The following SHISA4 variants were observed in gnomAD, a reference collection of about 807,000 sequenced individuals.
The protein encoded by SHISA4 is shisa family member 4.
In SHISA4, 16 loss-of-function variants were observed where a neutral mutation model predicts 24.2. That is an observed-to-expected ratio of 0.66 (90% CI 0.45 to 1.00). The LOEUF is 1.00. Ranked by LOEUF, SHISA4 falls within the 50% of genes least tolerant of loss-of-function variation. The pLI is 0.00. For synonymous variants in SHISA4, 106 were observed against 105.4 expected, an observed-to-expected ratio of 1.01 and a Z score of -0.04; for missense variants, 238 against 258.9, an observed-to-expected ratio of 0.92 and a Z score of 0.55.
rs968672178 is a variant in SHISA4 at position 201,889,120 on chromosome 1, G to A, written c.73+53G>A. 10 of 1,381,372 alleles carry A rather than the reference G, an allele frequency of 7.2e-6. No individual in the cohort carries two copies. In the East Asian group the frequency reaches 7.9e-5, roughly 11 times the overall value. The allele number at this position is 1,381,372 out of a possible 1,614,324, so 85.6% of individuals were successfully genotyped here. ...GAGTGGGATGGGGGCGGAGGAAGGG[G>A]AGGGACCGATCCGAGGGGCTTGGGC... On this transcript the variant is annotated intron_variant, in intron 1 of 4. Coordinates refer to ENST00000362011, the MANE Select transcript of SHISA4 (RefSeq NM_198149.3).
intron 1 of SHISA4, 61 bp downstream of exon 1, chr1:201,889,128 G>C (rs960662298): frequency 3.6e-5 from 49 of 1,354,364 alleles, no homozygotes; most frequent in Admixed American, 1.2e-4. Context: ...GGGAGGGACC[G>C]ATCCGAGGGG....
chr1:201,889,047 T>G lies in SHISA4; in HGVS notation c.53T>G (p.Leu18Trp). Residue 18 changes from leucine (L) to tryptophan (W), a missense_variant, in exon 1 of 5, where the codon TTG becomes TGG. By Grantham distance (61) the Leu-to-Trp change is moderately conservative. Coordinates refer to ENST00000362011, the MANE Select transcript of SHISA4 (RefSeq NM_198149.3). ...GCGCCGCTCACCGCAATCGCTCTGT[T>G]GGTGCTGGGGGCTCCCCTGGGTAAG... ...RAAPLTAIAL[L>W]VLGAPLVLAG... 1 of 1,379,768 alleles carries G rather than the reference T, an allele frequency of 7.2e-7. No homozygotes were observed. Among genetic ancestry groups the G allele is most frequent in the Non-Finnish European group, 9.4e-7 (1 of 1,065,014 alleles). The allele number at this position is 1,379,768 out of a possible 1,614,324, so 85.5% of individuals were successfully genotyped here.
At position 201,888,988 on chromosome 1, in the gene SHISA4, C is replaced by A; in HGVS notation, c.-7C>A. The A allele has an allele frequency of 7.2e-7, 1 of 1,393,870 alleles. No individual in the cohort carries two copies. The highest frequency in any genetic ancestry group is 9.3e-7 in the Non-Finnish European group (1 of 1,072,846). 86.3% of individuals were successfully genotyped at this position (1,393,870 alleles called of 1,614,324 possible). On this transcript the variant is annotated 5_prime_UTR_variant, in exon 1 of 5. Transcript: ENST00000362011. ...AGGCCCGACCCCGGCCGCGCCCAGC[C>A]CCCACCATGCCACCCGCGGGGCTCC...
chr1:201,891,449 A>T lies in SHISA4; in HGVS notation c.428A>T (p.Tyr143Phe). 1 of 1,613,224 alleles carries T rather than the reference A, an allele frequency of 6.2e-7. No individual in the cohort carries two copies. The highest frequency in any genetic ancestry group is 8.5e-7 in the Non-Finnish European group (1 of 1,179,768). ...ATCCCAGTGCAGCCAGTATACCCATACCCCCAGGACCCCAAAGCTGGCCCT... is the reference window on the plus strand; with the variant it reads ...ATCCCAGTGCAGCCAGTATACCCATTCCCCCAGGACCCCAAAGCTGGCCCT... ...TGIPVQPVYP[Y>F]PQDPKAGPAP... The change falls in exon 4 of 5, where the codon TAC becomes TTC. Residue 143 changes from tyrosine to phenylalanine, a missense_variant. By Grantham distance (22) the Tyr-to-Phe change is conservative. Transcript: ENST00000362011.
In SHISA4 at chr1:201,888,987, C is replaced by A; in HGVS notation, c.-8C>A. ...GAGGCCCGACCCCGGCCGCGCCCAGCCCCCACCATGCCACCCGCGGGGCTC... is the reference window on the plus strand; with the variant it reads ...GAGGCCCGACCCCGGCCGCGCCCAGACCCCACCATGCCACCCGCGGGGCTC... On this transcript the variant is annotated 5_prime_UTR_variant, in exon 1 of 5. Transcript: ENST00000362011. 1 of 1,393,976 alleles carries A rather than the reference C, an allele frequency of 7.2e-7. No homozygotes were observed. Among genetic ancestry groups the A allele is most frequent in the Non-Finnish European group, 9.3e-7 (1 of 1,072,694 alleles). The allele number at this position is 1,393,976 out of a possible 1,614,324, so 86.4% of individuals were successfully genotyped here. A position where few individuals can be genotyped will look rare whatever the true frequency, so the allele number is the denominator to read the frequency against.
At position 201,889,027 on chromosome 1, in the gene SHISA4, G is replaced by A. The variant is rs1681040066; in HGVS notation, c.33G>A (p.Pro11=). 2 of 1,378,250 alleles carry A rather than the reference G, an allele frequency of 1.5e-6. No individual in the cohort carries two copies. The highest frequency in any genetic ancestry group is 1.9e-6 in the Non-Finnish European group (2 of 1,066,238). The allele number at this position is 1,378,250 out of a possible 1,614,324, so 85.4% of individuals were successfully genotyped here. The change falls in exon 1 of 5, where the codon CCG becomes CCA. Residue 11 remains proline (P), a synonymous_variant. Transcript: ENST00000362011. MPPAGLRRAA[P]LTAIALLVLG... Reference sequence around the variant, plus strand: ...CCGCGGGGCTCCGCCGGGCCGCGCCGCTCACCGCAATCGCTCTGTTGGTGC... The same window carrying A: ...CCGCGGGGCTCCGCCGGGCCGCGCCACTCACCGCAATCGCTCTGTTGGTGC...
In SHISA4 at chr1:201,891,551, C is replaced by T. The variant is rs149319193; in HGVS notation, c.530C>T (p.Pro177Leu). 8.1e-4 allele frequency: 1,312 copies of T among 1,611,868 alleles called. 2 individuals are homozygous for T. The highest frequency in any genetic ancestry group is 9.7e-4 in the Non-Finnish European group (1,148 of 1,178,822). ...PQYPLYPAGP[P>L]VYNPAAPPPY... Reference sequence around the variant, plus strand: ...TATCCACTCTACCCAGCTGGGCCCCCAGTCTACAACCCTGCAGGTAAGTAA... The same window carrying T: ...TATCCACTCTACCCAGCTGGGCCCCTAGTCTACAACCCTGCAGGTAAGTAA... The change falls in exon 4 of 5, where the codon CCA (proline) becomes CTA (leucine). Residue 177 changes from proline to leucine, a missense_variant. Pro to Leu is a moderately conservative substitution (Grantham distance 98). Transcript: ENST00000362011.
chr1:201,890,713 A>G (rs747800730), intron 3 of SHISA4, 126 bp downstream of exon 3: 10 of 1,307,278 alleles, frequency 7.6e-6, no homozygotes, highest in African/African-American at 1.5e-5. Flanking sequence ...CACACCTGCC[A>G]GCATGAAAAC....
intron 1 of SHISA4, 116 bp downstream of exon 1, chr1:201,889,183 C>T: frequency 9.2e-7 from 1 of 1,081,662 alleles, no homozygotes. Flanking sequence ...GCCACGGGAG[C>T]CTTGGGTGTT....
chr1:201,889,962 G>T (rs1464748587), intron 2 of SHISA4, among the ~76,000 whole-genome samples: 1 of 152,170 alleles, frequency 6.6e-6, no homozygotes, highest in Non-Finnish European at 1.5e-5. Flanking sequence ...TGGCACAAAG[G>T]CAGGAGACTT....
Position 201,890,224 on chromosome 1 carries a change from G to C in SHISA4, c.246-230G>C, listed in dbSNP as rs146649319. 7.9e-3 allele frequency among the ~76,000 whole-genome samples: 1,198 copies of C among 152,268 alleles called. 16 individuals are homozygous for C. The highest frequency in any genetic ancestry group is 9.8e-3 in the Non-Finnish European group (668 of 68,030). ...TTGTAGATATAAAAGCAATGGTTGG[G>C]GGCGCACTGCAAATCCCCGTATGCT... On this transcript the variant is annotated intron_variant, in intron 2 of 4. Coordinates refer to ENST00000362011, the MANE Select transcript of SHISA4 (RefSeq NM_198149.3).
intron 2 of SHISA4, among the ~76,000 whole-genome samples, chr1:201,890,124 G>A (rs984141471): frequency 2.6e-5 from 4 of 152,154 alleles, no homozygotes; most frequent in East Asian, 1.9e-4. Context: ...TGATTGAAGC[G>A]GGGTTTGGAA....
Position 201,888,929 on chromosome 1 carries a change from C to G in SHISA4, c.-66C>G. 2.6e-6 allele frequency: 3 copies of G among 1,153,520 alleles called. No individual in the cohort carries two copies. The highest frequency in any genetic ancestry group is 3.4e-6 in the Non-Finnish European group (3 of 889,410). The allele number at this position is 1,153,520 out of a possible 1,614,324, so 71.5% of individuals were successfully genotyped here. On this transcript the variant is annotated 5_prime_UTR_variant, in exon 1 of 5. Transcript: ENST00000362011. Reference sequence around the variant, plus strand: ...GGGCTGGGCCCCGCCGCAGCTCCAGCTGGCCGGCTTGGTCCTGCGGTCCCT... The same window carrying G: ...GGGCTGGGCCCCGCCGCAGCTCCAGGTGGCCGGCTTGGTCCTGCGGTCCCT...
rs1571568648 is a variant in SHISA4, at chr1:201,891,944, T to C, written c.*98T>C. 1 of 1,455,124 alleles carries C rather than the reference T, an allele frequency of 6.9e-7. No homozygotes were observed. Among genetic ancestry groups the C allele is most frequent in the Non-Finnish European group, 9.6e-7 (1 of 1,039,258 alleles). The allele number at this position is 1,455,124 out of a possible 1,614,324, so 90.1% of individuals were successfully genotyped here. A position where few individuals can be genotyped will look rare whatever the true frequency, so the allele number is the denominator to read the frequency against. ...CTGGTCCTGGGGGTGGCAGGAGTCC[T>C]CCAGCCACCAGGCCCCAGACCAAGC... On this transcript the variant is annotated 3_prime_UTR_variant, in exon 5 of 5. Transcript: ENST00000362011.
In SHISA4 at chr1:201,888,932, G is replaced by A; in HGVS notation, c.-63G>A. On this transcript the variant is annotated 5_prime_UTR_variant, in exon 1 of 5. Transcript: ENST00000362011. ...CTGGGCCCCGCCGCAGCTCCAGCTGGCCGGCTTGGTCCTGCGGTCCCTTCT... is the reference window on the plus strand; with the variant it reads ...CTGGGCCCCGCCGCAGCTCCAGCTGACCGGCTTGGTCCTGCGGTCCCTTCT... 1 of 1,176,426 alleles carries A rather than the reference G, an allele frequency of 8.5e-7. No homozygotes were observed. Among genetic ancestry groups the A allele is most frequent in the Non-Finnish European group, 1.1e-6 (1 of 908,224 alleles). The allele number at this position is 1,176,426 out of a possible 1,614,324, so 72.9% of individuals were successfully genotyped here.
chr1:201,889,416 C>A, intron 1 of SHISA4, 29 bp from the exon 2 acceptor site: 1 of 1,608,444 alleles, frequency 6.2e-7, no homozygotes, highest in South Asian at 1.1e-5. Flanking sequence ...GCCTGGTGGC[C>A]ACTGGGCACC....
In SHISA4 at chr1:201,891,805, C is replaced by T; in HGVS notation, c.553C>T (p.Pro185Ser). 6.2e-7 allele frequency: 1 copy of T among 1,614,118 alleles called. No individual in the cohort carries two copies. The highest frequency in any genetic ancestry group is 8.5e-7 in the Non-Finnish European group (1 of 1,180,004). The stretch of plus-strand genomic sequence containing the variant: ...CCTGTCTCTTTGGCTTTCAGCTCCT[C>T]CTCCCTATATGCCACCACAGCCCTC... ...GPPVYNPAAP[P>S]PYMPPQPSYP... The change falls in exon 5 of 5, where the codon CCT becomes TCT. Residue 185 changes from proline (P) to serine (S), a missense_variant. Pro to Ser is a moderately conservative substitution (Grantham distance 74, BLOSUM62 -1). Coordinates refer to ENST00000362011, the MANE Select transcript of SHISA4 (RefSeq NM_198149.3).
At position 201,890,453 on chromosome 1, in the gene SHISA4, GC is replaced by G; in HGVS notation, c.249del (p.Lys84ArgfsTer3). 6.2e-7 allele frequency: 1 copy of G among 1,614,138 alleles called. No homozygotes were observed. Among genetic ancestry groups the G allele is most frequent in the Non-Finnish European group, 8.5e-7 (1 of 1,180,012 alleles). On this transcript the variant is annotated frameshift_variant and splice_region_variant, in exon 3 of 5. Transcript: ENST00000362011. LOFTEE classifies it high-confidence loss of function. The stretch of plus-strand genomic sequence containing the variant: ...TGAGAGGACCTGTTCTTTGTCTAAA[GC>G]CCCAAGACCATAGCAGGCATCGCCT... ...ERQQKHCLAF[S>X]PKTIAGIASA...
At chr1:201,891,139 T>A (rs1681089005) in intron 3 of SHISA4, among the ~76,000 whole-genome samples, 1 of 152,148 alleles carries the variant, frequency 6.6e-6, no homozygotes, top group Non-Finnish European at 1.5e-5. Context: ...AAGTGAGATA[T>A]TCCCTGGGCT....
Sources: gnomAD v4.1 joint callset for allele counts (sites outside exome capture counted in the v4.1 genomes callset) on GRCh38, gnomAD v4.1.1 for gene constraint, MANE v1.5 for transcripts, NCBI Gene and HGNC (gene_info 2026-07-23, HGNC 2026-07-21) for gene names.